LAMA2: variants seen among roughly 807,000 people sequenced by gnomAD.
LAMA2 encodes the protein laminin subunit alpha 2.
LAMA2 carries 269 observed loss-of-function variants against 364.8 expected under a neutral mutation model. The observed-to-expected ratio is 0.74, with a 90% CI of 0.67 to 0.82. LAMA2 has a LOEUF of 0.82. Ranked by LOEUF, LAMA2 falls within the 40% of genes least tolerant of loss-of-function variation. The pLI, the probability that LAMA2 is intolerant of heterozygous loss-of-function variation, is 0.00. For synonymous variants in LAMA2, 1,379 were observed against 1,370.6 expected (o/e 1.01, Z -0.14); for missense variants, 3,807 against 3,873.2 (o/e 0.98, Z 0.45).
In LAMA2 at chr6:129,143,940, G is replaced by C; in HGVS notation, c.679G>C (p.Asp227His). The change falls in exon 5 of 65, where the codon GAT (aspartate) becomes CAT (histidine). Residue 227 changes from aspartate to histidine, a missense_variant. Asp to His is a moderately conservative substitution (Grantham distance 81). Transcript: ENST00000421865. ...AATCAATGGGAGACCAAGTGCCGAT[G>C]ATCCTTCTCCAGAACTGCTAGAATT... ...SLINGRPSAD[D>H]PSPELLEFTS... is the part of the protein sequence containing the mutation. The C allele has an allele frequency of 6.2e-7, 1 of 1,611,394 alleles. No homozygotes were observed. The highest frequency in any genetic ancestry group is 8.5e-7 in the Non-Finnish European group (1 of 1,178,004).
chr6:129,128,721 G>T (rs1218343572), intron 4 of LAMA2, among the ~76,000 whole-genome samples: 1 of 151,878 alleles, frequency 6.6e-6, no homozygotes, highest in Non-Finnish European at 1.5e-5. Context: ...TCAACTCCTT[G>T]GTTAAATTTA....
intron 1 of LAMA2, among the ~76,000 whole-genome samples, chr6:128,953,124 C>T (rs1780934549): frequency 6.6e-6 from 1 of 152,144 alleles, no homozygotes; most frequent in African/African-American, 2.4e-5. Context: ...GCTTAGGTCA[C>T]ATTTCCATAA....
At chr6:129,515,681 C>T (rs1786998642) in intron 64 of LAMA2, among the ~76,000 whole-genome samples, 1 of 152,198 alleles carries the variant, frequency 6.6e-6, no homozygotes, top group East Asian at 1.9e-4. Context: ...CATGAAGTAA[C>T]ATTTTACAAT....
Position 129,020,080 on chromosome 6 carries a change from C to T in LAMA2, c.113-29838C>T, listed in dbSNP as rs184937552. On this transcript the variant is annotated intron_variant, in intron 1 of 64. Coordinates refer to ENST00000421865, the MANE Select transcript of LAMA2 (RefSeq NM_000426.4). Reference sequence around the variant, plus strand: ...CAGCCTGGGCGACAAGAGCAAGACTCCATCTCAAAAAGAAAAAAAAAGAAA... The same window carrying T: ...CAGCCTGGGCGACAAGAGCAAGACTTCATCTCAAAAAGAAAAAAAAAGAAA... Among the ~76,000 whole-genome samples, 239 of 142,754 alleles carry T rather than the reference C, an allele frequency of 1.7e-3. 2 individuals carry two copies. The highest frequency in any genetic ancestry group is 4.0e-3 in the Admixed American group (55 of 13,642). 93.7% of individuals were successfully genotyped at this position (142,754 alleles called of 152,430 possible).
intron 54 of LAMA2, among the ~76,000 whole-genome samples, chr6:129,480,351 A>G (rs1173047591): frequency 6.6e-6 from 1 of 152,168 alleles, no homozygotes; most frequent in Non-Finnish European, 1.5e-5. Context: ...ATTCCTAACT[A>G]CATGGGCTTG....
At chr6:129,297,894 ATTCACTCTGATAGT>A (rs1256493661) in intron 21 of LAMA2, 29 bp downstream of exon 21, 11 of 1,585,286 alleles carry the variant, frequency 6.9e-6, no homozygotes, top group Non-Finnish European at 9.5e-6. Context: ...AGTCCTACAT[ATTCACTCTGATAGT>A]TTTAGGGTCT....
At chr6:129,007,052 A>T (rs886859306) in intron 1 of LAMA2, among the ~76,000 whole-genome samples, 1 of 152,110 alleles carries the variant, frequency 6.6e-6, no homozygotes, top group Non-Finnish European at 1.5e-5. Flanking sequence ...ATTATTTATC[A>T]TACAGTGTTT....
Position 129,401,258 on chromosome 6 carries a change from A to G in LAMA2, c.5480A>G (p.Gln1827Arg), listed in dbSNP as rs1011081692. Residue 1827 changes from glutamine (Q) to arginine (R), a missense_variant, in exon 38 of 65, where the codon CAA becomes CGA. By Grantham distance (43) the Gln-to-Arg change is conservative. Coordinates refer to ENST00000421865, the MANE Select transcript of LAMA2 (RefSeq NM_000426.4). Reference protein sequence around the residue: ...KKEAVESGKRQIENTLKEGND... With the variant: ...KKEAVESGKRRIENTLKEGND... ...GAGGCTGTTGAAAGCGGCAAACGACAAATTGAGAACACTTTAAAAGAGGGC... is the reference window on the plus strand; with the variant it reads ...GAGGCTGTTGAAAGCGGCAAACGACGAATTGAGAACACTTTAAAAGAGGGC... The G allele has an allele frequency of 1.2e-6, 2 of 1,612,328 alleles. No individual in the cohort carries two copies. The highest frequency in any genetic ancestry group is 1.7e-6 in the Non-Finnish European group (2 of 1,178,402).
chr6:129,338,290 T>A (rs546827303), intron 29 of LAMA2, among the ~76,000 whole-genome samples: 1 of 152,336 alleles, frequency 6.6e-6, no homozygotes, highest in African/African-American at 2.4e-5. Context: ...GAAGATCCCA[T>A]GTATTTTTGG....
chr6:128,989,855 A>G (rs753657049), intron 1 of LAMA2, among the ~76,000 whole-genome samples: 1 of 152,296 alleles, frequency 6.6e-6, no homozygotes, highest in South Asian at 2.1e-4. Flanking sequence ...TTCAGTGTCC[A>G]GTGAGTACCT....
intron 12 of LAMA2, among the ~76,000 whole-genome samples, chr6:129,233,918 A>C (rs1169235011): frequency 6.6e-6 from 1 of 152,206 alleles, no homozygotes; most frequent in African/African-American, 2.4e-5. Flanking sequence ...AAGAACTGAA[A>C]GTTAAGAAGA....
At chr6:129,500,951 A>T (rs1418393666) in intron 58 of LAMA2, among the ~76,000 whole-genome samples, 1 of 152,174 alleles carries the variant, frequency 6.6e-6, no homozygotes, top group Non-Finnish European at 1.5e-5. Flanking sequence ...GCTACATGTA[A>T]TTGTTTCCTA....
At chr6:129,512,240 T>C (rs2114929970) in intron 62 of LAMA2, 123 bp from the exon 63 acceptor site, 4 of 902,744 alleles carry the variant, frequency 4.4e-6, no homozygotes, top group South Asian at 1.6e-5. Context: ...CTGAAACTTA[T>C]AGCCCTCATT....
chr6:128,924,201 C>T (rs920117216), intron 1 of LAMA2, among the ~76,000 whole-genome samples: 6 of 151,934 alleles, frequency 3.9e-5, no homozygotes, highest in South Asian at 2.1e-4. Flanking sequence ...AGCTTCTTTT[C>T]ATATATATAT....
rs750379746 is a variant in LAMA2, at chr6:129,267,065, T to A, written c.2209-41T>A. On this transcript the variant is annotated intron_variant, in intron 15 of 64. Coordinates refer to ENST00000421865, the MANE Select transcript of LAMA2 (RefSeq NM_000426.4). ...CAAACAAACAAAAACACCTTTTTGT[T>A]TTAATCTCCAAGACTGACTAAAGCC... is the stretch of plus-strand genomic sequence containing the variant. 5 of 1,289,586 alleles carry A rather than the reference T, an allele frequency of 3.9e-6. No homozygotes were observed. The South Asian group carries it at 5.9e-5, about 15-fold the overall frequency. 79.9% of individuals were successfully genotyped at this position (1,289,586 alleles called of 1,614,324 possible). A position where few individuals can be genotyped will look rare whatever the true frequency, so the allele number is the denominator to read the frequency against.
At chr6:129,048,440 TTTTCTTTCTTTCTTTCTTTCTTTCTTTC>T (rs1271730400) in intron 1 of LAMA2, among the ~76,000 whole-genome samples, 1 of 103,930 alleles carries the variant, frequency 9.6e-6, no homozygotes, top group African/African-American at 4.0e-5. Context: ...TTCTTTTTTC[TTTTCTTTCTTTCTTTCTTTCTTTCTTTC>T]TTTCTTTCTT....
intron 12 of LAMA2, among the ~76,000 whole-genome samples, chr6:129,209,136 T>C (rs1782917622): frequency 6.6e-6 from 1 of 152,030 alleles, no homozygotes; most frequent in Non-Finnish European, 1.5e-5. Flanking sequence ...AAAGAGTGAG[T>C]AGGGAGGTGG....
chr6:129,115,832 G>T (rs547169724), intron 4 of LAMA2, among the ~76,000 whole-genome samples: 2 of 152,130 alleles, frequency 1.3e-5, no homozygotes, highest in Non-Finnish European at 2.9e-5. Context: ...TGCCCACGTT[G>T]GTTGTATTAA....
chr6:129,275,366 T>C (rs561233621), intron 17 of LAMA2, among the ~76,000 whole-genome samples: 2 of 152,020 alleles, frequency 1.3e-5, no homozygotes, highest in Non-Finnish European at 1.5e-5. Context: ...TGATAGTGAT[T>C]ATACAGCTTG....
Sources: allele counts gnomAD v4.1 joint callset (sites outside exome capture counted in the v4.1 genomes callset), GRCh38; gene constraint gnomAD v4.1.1; transcripts MANE v1.5; gene names NCBI Gene and HGNC (gene_info 2026-07-23, HGNC 2026-07-21).